The following STPG2 variants were observed in gnomAD, a reference collection of about 807,000 sequenced individuals.
STPG2 encodes the protein sperm-tail PG-rich repeat-containing protein 2.
Under a neutral mutation model 54.2 loss-of-function variants are expected in STPG2, and 56 were observed. That is an observed-to-expected ratio of 1.03 (90% CI 0.83 to 1.29). The LOEUF (loss-of-function observed/expected upper bound fraction) is 1.29, where lower values mean the gene tolerates loss of function less well. STPG2 is among the 50% of genes most tolerant of loss of function. The probability of loss-of-function intolerance (pLI) is 0.00; values close to 1 mark genes in which losing one functional copy is unlikely to be tolerated. For missense variants in STPG2, 596 were observed against 544.9 expected, an observed-to-expected ratio of 1.09 and a Z score of -0.93; for synonymous variants, 200 against 181.8, an observed-to-expected ratio of 1.10 and a Z score of -0.81.
At chr4:97,847,802 C>T (rs1181415269) in intron 8 of STPG2, among the ~76,000 whole-genome samples, 1 of 149,492 alleles carries the variant, frequency 6.7e-6, no homozygotes, top group Non-Finnish European at 1.5e-5. Flanking sequence ...TTTAGCCAAG[C>T]CTAAAAATAC....
At chr4:97,747,552 G>A (rs989348028) in intron 9 of STPG2, among the ~76,000 whole-genome samples, 1 of 151,166 alleles carries the variant, frequency 6.6e-6, no homozygotes, top group Non-Finnish European at 1.5e-5. Context: ...CAATTCTCTG[G>A]CCATGCAAAT....
intron 10 of STPG2, among the ~76,000 whole-genome samples, chr4:97,608,262 G>A (rs1386659492): frequency 2.6e-5 from 4 of 151,882 alleles, no homozygotes; most frequent in African/African-American, 4.8e-5. Flanking sequence ...CTAAAGGTGG[G>A]CAGAAAATTC....
intron 5 of STPG2, among the ~76,000 whole-genome samples, chr4:97,981,730 TAACTC>T (rs1734683698): frequency 6.6e-6 from 1 of 151,162 alleles, no homozygotes; most frequent in Admixed American, 6.6e-5. Flanking sequence ...TATATTCAAT[TAACTC>T]AACAGTATCA....
At chr4:97,892,806 G>A (rs1730822118) in intron 8 of STPG2, among the ~76,000 whole-genome samples, 1 of 152,038 alleles carries the variant, frequency 6.6e-6, no homozygotes, top group African/African-American at 2.4e-5. Context: ...TCCCCCTAAG[G>A]CACTAGCAGC....
At chr4:97,606,795 A>G (rs966653784) in intron 10 of STPG2, among the ~76,000 whole-genome samples, 2 of 151,942 alleles carry the variant, frequency 1.3e-5, no homozygotes, top group Non-Finnish European at 2.9e-5. Context: ...CTTCCATTTT[A>G]CCATCTTTCT....
chr4:97,664,688 T>G (rs1398228762), intron 10 of STPG2, among the ~76,000 whole-genome samples: 4 of 121,548 alleles, frequency 3.3e-5, no homozygotes, highest in African/African-American at 1.9e-4. Flanking sequence ...AAGAAGCTAT[T>G]TTTTTTACCT....
Position 97,847,980 on chromosome 4 carries a change from T to C in STPG2, c.1045-7048A>G, listed in dbSNP as rs1560552333. Among the ~76,000 whole-genome samples, 3 of 152,348 alleles carry C rather than the reference T, an allele frequency of 2.0e-5. No homozygotes were observed. In the South Asian group the frequency reaches 6.2e-4, roughly 32 times the overall value. On this transcript the variant is annotated intron_variant, in intron 8 of 10. Transcript: ENST00000295268. Reference sequence around the variant, plus strand: ...ACGTGGCAGTTGTACTAACTGCTTATTTTAGCTTTAGGTCTTCTAGTCCCC... The same window carrying C: ...ACGTGGCAGTTGTACTAACTGCTTACTTTAGCTTTAGGTCTTCTAGTCCCC...
At chr4:97,673,673 A>T (rs967903466) in intron 10 of STPG2, among the ~76,000 whole-genome samples, 3 of 150,006 alleles carry the variant, frequency 2.0e-5, no homozygotes, top group East Asian at 3.9e-4. Flanking sequence ...ACGGCTTTAT[A>T]TTTTTTTTTT....
At chr4:97,772,100 T>C (rs988701161) in intron 9 of STPG2, among the ~76,000 whole-genome samples, 13 of 152,154 alleles carry the variant, frequency 8.5e-5, no homozygotes, top group African/African-American at 3.1e-4. Flanking sequence ...ATCATGCTCA[T>C]TGTCAAGGAG....
chr4:98,046,441 G>T (rs1159412909), intron 5 of STPG2, among the ~76,000 whole-genome samples: 3 of 152,152 alleles, frequency 2.0e-5, no homozygotes, highest in Admixed American at 2.0e-4. Flanking sequence ...AACTCTCCCA[G>T]TCTCGTCAGA....
intron 8 of STPG2, among the ~76,000 whole-genome samples, chr4:97,901,784 C>T (rs775530584): frequency 3.3e-5 from 5 of 151,568 alleles, no homozygotes; most frequent in Admixed American, 6.6e-5. Flanking sequence ...CAAAATTTCA[C>T]GACATTTTTC....
intron 4 of STPG2, among the ~76,000 whole-genome samples, chr4:97,475,181 CAA>C (rs1730039735): frequency 6.6e-6 from 1 of 151,774 alleles, no homozygotes; most frequent in African/African-American, 2.4e-5. Context: ...TTGCTGGGGG[CAA>C]ATAGTTTTTC....
intron 9 of STPG2, among the ~76,000 whole-genome samples, chr4:97,779,411 C>T (rs62318621): frequency 0.038 from 5,718 of 152,158 alleles, 176 homozygotes; most frequent in Non-Finnish European, 0.062. Flanking sequence ...TGAACAAAGC[C>T]TCCAAGAAAT....
intron 4 of STPG2, among the ~76,000 whole-genome samples, chr4:97,548,996 C>T (rs1731906357): frequency 6.6e-6 from 1 of 152,208 alleles, no homozygotes; most frequent in East Asian, 1.9e-4. Flanking sequence ...AAACTATATC[C>T]ACCACAATAA....
chr4:97,995,722 A>T (rs1735183695), intron 5 of STPG2, among the ~76,000 whole-genome samples: 1 of 152,076 alleles, frequency 6.6e-6, no homozygotes, highest in African/African-American at 2.4e-5. Context: ...ACACACCAGG[A>T]CTCATTTCTG....
intron 2 of STPG2, among the ~76,000 whole-genome samples, chr4:98,133,781 C>T (rs1740063808): frequency 6.6e-6 from 1 of 151,956 alleles, no homozygotes; most frequent in Non-Finnish European, 1.5e-5. Flanking sequence ...TAAAGGTCTG[C>T]TGGGATCAGC....
chr4:97,938,529 T>C (rs1402967474), intron 8 of STPG2, among the ~76,000 whole-genome samples: 1 of 151,822 alleles, frequency 6.6e-6, no homozygotes, highest in African/African-American at 2.4e-5. Context: ...TTAGCCAGAT[T>C]CCAGCCAATT....
intron 10 of STPG2, among the ~76,000 whole-genome samples, chr4:97,648,809 T>C (rs947151265): frequency 1.3e-5 from 2 of 152,180 alleles, no homozygotes; most frequent in Admixed American, 6.5e-5. Context: ...ATTGTAGTTG[T>C]ATTATTATTG....
At chr4:97,825,032 GT>G (rs890942277) in intron 9 of STPG2, among the ~76,000 whole-genome samples, 2,529 of 149,732 alleles carry the variant, frequency 0.017, 69 homozygotes, top group African/African-American at 0.058. Context: ...AAATTTAAAA[GT>G]TTTTTTTTTA....
Sources: gnomAD v4.1 joint callset for allele counts (sites outside exome capture counted in the v4.1 genomes callset) on GRCh38, gnomAD v4.1.1 for gene constraint, MANE v1.5 for transcripts, NCBI Gene and HGNC (gene_info 2026-07-23, HGNC 2026-07-21) for gene names.